MSH4: variants seen among roughly 807,000 people sequenced by gnomAD.
The protein encoded by MSH4 is mutS protein homolog 4.
MSH4 carries 106 observed loss-of-function variants against 113.7 expected under a neutral mutation model. The ratio of observed to expected loss-of-function variants is 0.93; its 90% CI spans 0.80 to 1.10. The LOEUF (loss-of-function observed/expected upper bound fraction) is 1.10, where lower values mean the gene tolerates loss of function less well. MSH4 is among the 50% of genes least tolerant of loss of function. The probability of loss-of-function intolerance (pLI) is 0.00; values close to 1 mark genes in which losing one functional copy is unlikely to be tolerated. For synonymous variants in MSH4, 368 were observed against 380.2 expected (o/e 0.97, Z 0.37); for missense variants, 1,061 against 1,093.7 (o/e 0.97, Z 0.42).
intron 7 of MSH4, among the ~76,000 whole-genome samples, chr1:75,833,051 A>C (rs1434319143): frequency 6.6e-6 from 1 of 152,228 alleles, no homozygotes; most frequent in African/African-American, 2.4e-5. Flanking sequence ...GTCTCAGCCC[A>C]AAATCTCCTT....
chr1:75,902,714 T>C (rs1389552229), intron 19 of MSH4, among the ~76,000 whole-genome samples: 9 of 45,292 alleles, frequency 2.0e-4, no homozygotes, highest in Non-Finnish European at 3.8e-4. Context: ...TATATATATA[T>C]ATATATATAT....
chr1:75,874,246 CT>C (rs1257210536), intron 9 of MSH4, among the ~76,000 whole-genome samples: 2 of 152,010 alleles, frequency 1.3e-5, no homozygotes, highest in African/African-American at 2.4e-5. Context: ...GTTTTGCTTA[CT>C]TTTTAATGAA....
chr1:75,864,500 T>C lies in MSH4; in HGVS notation c.1231-3014T>C, dbSNP rs889013507. ...CATCAGCATATGAGAACTCCAGTTT[T>C]TCTTCCCCAAACCTGATATTACTGG... is the stretch of plus-strand genomic sequence containing the variant. On this transcript the variant is annotated intron_variant, in intron 8 of 19. Coordinates refer to ENST00000263187, the MANE Select transcript of MSH4 (RefSeq NM_002440.4). Among the ~76,000 whole-genome samples the C allele has an allele frequency of 3.7e-4, 56 of 152,340 alleles. 1 individual carries two copies. Among genetic ancestry groups the C allele is most frequent in the African/African-American group, 1.2e-3 (51 of 41,588 alleles).
intron 4 of MSH4, 76 bp downstream of exon 4, chr1:75,810,883 T>C: frequency 1.4e-6 from 1 of 721,574 alleles, no homozygotes. Context: ...TATTTATTTA[T>C]TTTTTTGAGA....
intron 14 of MSH4, among the ~76,000 whole-genome samples, chr1:75,882,891 T>TA (rs1248102056): frequency 1.3e-5 from 2 of 152,102 alleles, no homozygotes; most frequent in African/African-American, 4.8e-5. Context: ...GAAATAATAT[T>TA]AAAGTAGGGA....
At chr1:75,843,320 C>A in intron 7 of MSH4, among the ~76,000 whole-genome samples, 1 of 152,268 alleles carries the variant, frequency 6.6e-6, no homozygotes, top group African/African-American at 2.4e-5. Flanking sequence ...TGTCTTGTGT[C>A]TTTATTTCTA....
intron 7 of MSH4, among the ~76,000 whole-genome samples, chr1:75,830,098 C>T (rs2100528834): frequency 6.6e-6 from 1 of 152,146 alleles, no homozygotes; most frequent in Non-Finnish European, 1.5e-5. Context: ...CCTTAAGTGA[C>T]CTGATGGAGC....
At chr1:75,894,982 G>T (rs1005990918) in intron 17 of MSH4, among the ~76,000 whole-genome samples, 1 of 152,036 alleles carries the variant, frequency 6.6e-6, no homozygotes, top group Non-Finnish European at 1.5e-5. Context: ...AATGGAAGTG[G>T]CATCACTCAC....
At position 75,864,614 on chromosome 1, in the gene MSH4, A is replaced by G. The variant is rs1651523804; in HGVS notation, c.1231-2900A>G. Among the ~76,000 whole-genome samples, 2 of 152,108 alleles carry G rather than the reference A, an allele frequency of 1.3e-5. 1 individual carries two copies. The highest frequency in any genetic ancestry group is 4.1e-4 in the South Asian group (2 of 4,822). On this transcript the variant is annotated intron_variant, in intron 8 of 19. Coordinates refer to ENST00000263187, the MANE Select transcript of MSH4 (RefSeq NM_002440.4). Reference sequence around the variant, plus strand: ...AGGTTGAACATCCTTTCATATGTATATTGACCATTTGAATATCTTCTTTTG... The same window carrying G: ...AGGTTGAACATCCTTTCATATGTATGTTGACCATTTGAATATCTTCTTTTG...
rs72983222 is a variant in MSH4, at chr1:75,867,726, A to G, written c.1305+138A>G. 3,879 of 593,436 alleles carry G rather than the reference A, an allele frequency of 6.5e-3. 127 individuals are homozygous for G. In the African/African-American group the frequency reaches 0.068, roughly 10 times the overall value. 36.8% of individuals were successfully genotyped at this position (593,436 alleles called of 1,614,324 possible). A position where few individuals can be genotyped will look rare whatever the true frequency, so the allele number is the denominator to read the frequency against. ...TATTTTTTTTCTTTGTACATACTTT[A>G]CATACACATACACATTGTTAGCCTT... is the stretch of plus-strand genomic sequence containing the variant. On this transcript the variant is annotated intron_variant, in intron 9 of 19. Coordinates refer to ENST00000263187, the MANE Select transcript of MSH4 (RefSeq NM_002440.4).
At position 75,893,647 on chromosome 1, in the gene MSH4, A is replaced by G. The variant is rs185026637; in HGVS notation, c.2355+2823A>G. On this transcript the variant is annotated intron_variant, in intron 17 of 19. Coordinates refer to ENST00000263187, the MANE Select transcript of MSH4 (RefSeq NM_002440.4). ...CCTCTAGACCTATAACTAGATCTCTAAAGGTGAGGTACAAAATGTGACTAT... is the reference window on the plus strand; with the variant it reads ...CCTCTAGACCTATAACTAGATCTCTGAAGGTGAGGTACAAAATGTGACTAT... 2.0e-5 allele frequency among the ~76,000 whole-genome samples: 3 copies of G among 152,308 alleles called. No individual in the cohort carries two copies. In the East Asian group the frequency reaches 5.8e-4, roughly 29 times the overall value.
In MSH4 at chr1:75,883,669, C is replaced by T; in HGVS notation, c.1955C>T (p.Pro652Leu). 2.5e-6 allele frequency: 4 copies of T among 1,613,166 alleles called. No homozygotes were observed. Among genetic ancestry groups the T allele is most frequent in the Non-Finnish European group, 3.4e-6 (4 of 1,179,592 alleles). ...TTAGCAATCAAACAGGGATGGCATCCTATTCTTGAAAAAATATCTGCGGAA... is the reference window on the plus strand; with the variant it reads ...TTAGCAATCAAACAGGGATGGCATCTTATTCTTGAAAAAATATCTGCGGAA... ...DTLAIKQGWHPILEKISAEKP... is the reference protein window; with the variant it reads ...DTLAIKQGWHLILEKISAEKP... The change falls in exon 15 of 20, where the codon CCT becomes CTT. Residue 652 changes from proline to leucine, a missense_variant. Pro to Leu is a moderately conservative substitution (Grantham distance 98). Transcript: ENST00000263187.
chr1:75,906,861 T>C (rs1845277), intron 19 of MSH4, among the ~76,000 whole-genome samples: 18,716 of 147,416 alleles, frequency 0.13, 1,407 homozygotes, highest in East Asian at 0.26. Flanking sequence ...TGAGATTGAG[T>C]CTCACTCTCT....
chr1:75,895,801 C>T (rs1437890971), intron 17 of MSH4, among the ~76,000 whole-genome samples: 7 of 152,032 alleles, frequency 4.6e-5, no homozygotes, highest in African/African-American at 1.7e-4. Flanking sequence ...CTCAGTTGTG[C>T]TGAAGACAGT....
At chr1:75,881,401 G>A (rs1245941225) in intron 14 of MSH4, 31 bp downstream of exon 14, 6 of 1,597,956 alleles carry the variant, frequency 3.8e-6, no homozygotes, top group Non-Finnish European at 4.3e-6. Context: ...TAAACATATT[G>A]CATAGTTAAA....
At chr1:75,873,108 T>G (rs1396762659) in intron 9 of MSH4, among the ~76,000 whole-genome samples, 1 of 152,226 alleles carries the variant, frequency 6.6e-6, no homozygotes, top group Non-Finnish European at 1.5e-5. Flanking sequence ...TCTTACCAGT[T>G]TATTATTATG....
rs549197435 is a variant in MSH4, at chr1:75,878,879, T to C, written c.1541-113T>C. On this transcript the variant is annotated intron_variant, in intron 11 of 19. Coordinates refer to ENST00000263187, the MANE Select transcript of MSH4 (RefSeq NM_002440.4). ...TGAAAGAGCAACAAGACCTCCTATT[T>C]ATGTATAAAATAAGAATTTAAAAAC... is the stretch of plus-strand genomic sequence containing the variant. 13 of 933,080 alleles carry C rather than the reference T, an allele frequency of 1.4e-5. No individual in the cohort carries two copies. The East Asian group carries it at 3.0e-4, about 21-fold the overall frequency. 57.8% of individuals were successfully genotyped at this position (933,080 alleles called of 1,614,324 possible). A position where few individuals can be genotyped will look rare whatever the true frequency, so the allele number is the denominator to read the frequency against.
chr1:75,856,534 G>A (rs552830063), intron 8 of MSH4, among the ~76,000 whole-genome samples: 6 of 152,086 alleles, frequency 3.9e-5, no homozygotes, highest in East Asian at 1.9e-4. Context: ...GAGAACATGC[G>A]GTGTTTGGTT....
rs1205110704 is a variant in MSH4, at chr1:75,878,254, T to A, written c.1476T>A (p.Ser492=). ...CTCAGAAGTGCTATGCAGTGAGGTCTAACATAAATGAATTTCTTGACATAG... is the reference window on the plus strand; with the variant it reads ...CTCAGAAGTGCTATGCAGTGAGGTCAAACATAAATGAATTTCTTGACATAG... The part of the protein sequence containing the change: ...MRTQKCYAVR[S]NINEFLDIAR... Residue 492 remains serine (S), a synonymous_variant, in exon 11 of 20, where the codon TCT becomes TCA. Transcript: ENST00000263187. 14 of 1,609,008 alleles carry A rather than the reference T, an allele frequency of 8.7e-6. No homozygotes were observed. In the South Asian group the frequency reaches 1.6e-4, roughly 18 times the overall value.
Sources: allele counts gnomAD v4.1 joint callset (sites outside exome capture counted in the v4.1 genomes callset), GRCh38; gene constraint gnomAD v4.1.1; transcripts MANE v1.5; gene names NCBI Gene and HGNC (gene_info 2026-07-23, HGNC 2026-07-21).